Variants in PSMG2 observed in about 807,000 individuals in gnomAD.
PSMG2 encodes the protein CD40 ligand-activated specific transcript 3.
A neutral mutation model predicts 31.5 loss-of-function variants in PSMG2; 21 were observed. The ratio of observed to expected loss-of-function variants is 0.67; its 90% confidence interval spans 0.47 to 0.96. PSMG2 has a LOEUF of 0.96. Ranked by LOEUF, PSMG2 falls within the 40% of genes least tolerant of loss-of-function variation. PSMG2 has a pLI of 0.00. For missense variants in PSMG2, 318 were observed against 321.2 expected (o/e 0.99, Z 0.08); for synonymous variants, 120 against 110.4 (o/e 1.09, Z -0.54).
chr18:12,715,928 A>G (rs925086895), intron 3 of PSMG2, among the ~76,000 whole-genome samples: 8 of 152,058 alleles, frequency 5.3e-5, no homozygotes, highest in Non-Finnish European at 7.4e-5. Flanking sequence ...ATCAAGACAT[A>G]GAGCATTGTC....
chr18:12,701,762 ATG>A (rs2040160258), upstream of PSMG2, among the ~76,000 whole-genome samples: 6 of 152,288 alleles, frequency 3.9e-5, no homozygotes, highest in South Asian at 1.2e-3. Flanking sequence ...CTTCTCTTCC[ATG>A]ACTTATTTGA....
At chr18:12,670,930 TGAAC>T (rs2144966190) in intron 1 of PSMG2, 1 of 152,220 alleles carries the variant, frequency 6.6e-6, no homozygotes, top group East Asian at 1.9e-4. Context: ...ATTATAGGTG[TGAAC>T]CACTATGCTT....
At chr18:12,721,017 A>G (rs1462415614) in intron 5 of PSMG2, among the ~76,000 whole-genome samples, 1 of 152,066 alleles carries the variant, frequency 6.6e-6, no homozygotes, top group Non-Finnish European at 1.5e-5. Flanking sequence ...TGTATCTACT[A>G]AAAATACAAA....
intron 5 of PSMG2, among the ~76,000 whole-genome samples, chr18:12,723,681 C>T (rs373871607): frequency 4.6e-5 from 7 of 152,128 alleles, no homozygotes; most frequent in African/African-American, 1.4e-4. Flanking sequence ...CTTGAGCCAG[C>T]GCGCCCAGCC....
At chr18:12,681,099 G>A (rs567164075) in intron 1 of PSMG2, among the ~76,000 whole-genome samples, 3 of 151,030 alleles carry the variant, frequency 2.0e-5, no homozygotes, top group South Asian at 2.1e-4. Context: ...CTCAGGAGGC[G>A]AGGCAAGAGA....
chr18:12,716,469 C>T (rs1200824337), intron 3 of PSMG2, among the ~76,000 whole-genome samples: 1 of 150,538 alleles, frequency 6.6e-6, no homozygotes, highest in African/African-American at 2.4e-5. Flanking sequence ...TCTCGGCTCA[C>T]TGCAAGCTCC....
chr18:12,669,137 CAG>C (rs1199143111), intron 1 of PSMG2, among the ~76,000 whole-genome samples: 2 of 129,222 alleles, frequency 1.5e-5, no homozygotes, highest in Admixed American at 8.8e-5. Context: ...TTTTTTGAGA[CAG>C]AGTTTCACTG....
chr18:12,719,292 A>G (rs1357135442), intron 4 of PSMG2, among the ~76,000 whole-genome samples: 2 of 152,228 alleles, frequency 1.3e-5, no homozygotes, highest in Non-Finnish European at 2.9e-5. Context: ...TCTTAAATGT[A>G]AGACAGAGTA....
At chr18:12,666,154 A>C (rs1216706232) in intron 1 of PSMG2, among the ~76,000 whole-genome samples, 27 of 32,840 alleles carry the variant, frequency 8.2e-4, no homozygotes, top group Admixed American at 8.0e-3. Flanking sequence ...TCATCTCTAC[A>C]AAAAAAAAAA....
At chr18:12,674,408 C>T (rs2039046350) in intron 1 of PSMG2, 5 of 669,384 alleles carry the variant, frequency 7.5e-6, no homozygotes, top group Non-Finnish European at 1.2e-5. Flanking sequence ...TGCCACTGTA[C>T]TCCAGCATGG....
intron 1 of PSMG2, chr18:12,680,831 G>A: frequency 6.3e-7 from 1 of 1,599,584 alleles, no homozygotes; most frequent in Non-Finnish European, 8.5e-7. Context: ...CAGTCACCCT[G>A]GAAGATAAAT....
chr18:12,701,572 A>G (rs1476170992), upstream of PSMG2, among the ~76,000 whole-genome samples: 1 of 152,164 alleles, frequency 6.6e-6, no homozygotes, highest in Non-Finnish European at 1.5e-5. Flanking sequence ...CCCTCTCACG[A>G]TAGTGTTGTG....
chr18:12,708,062 G>A (rs1203555745), intron 2 of PSMG2, among the ~76,000 whole-genome samples: 3 of 152,070 alleles, frequency 2.0e-5, no homozygotes, highest in Non-Finnish European at 4.4e-5. Flanking sequence ...TAGGAGGAAC[G>A]CTTGAGCTCA....
intron 3 of PSMG2, among the ~76,000 whole-genome samples, chr18:12,713,484 G>C (rs2040349619): frequency 6.6e-6 from 1 of 152,190 alleles, no homozygotes; most frequent in Non-Finnish European, 1.5e-5. Flanking sequence ...GAGATCAGTA[G>C]GTGAGCGATG....
chr18:12,675,664 T>G (rs1430857490), intron 1 of PSMG2, among the ~76,000 whole-genome samples: 1 of 151,692 alleles, frequency 6.6e-6, no homozygotes, highest in Non-Finnish European at 1.5e-5. Flanking sequence ...ATTCCATTTA[T>G]TTTTTATTTT....
chr18:12,699,748 T>C (rs2040086708), upstream of PSMG2: 32 of 756,674 alleles, frequency 4.2e-5, no homozygotes, highest in South Asian at 8.0e-4. Context: ...AAAATGGAAA[T>C]GTCTTCTATC....
At chr18:12,695,122 G>T in intron 1 of PSMG2, 1 of 448,290 alleles carries the variant, frequency 2.2e-6, no homozygotes, top group Non-Finnish European at 4.0e-6. Flanking sequence ...TCCTTTTTGT[G>T]AACCTTTGAG....
At chr18:12,689,698 T>C (rs2039676810) in intron 1 of PSMG2, among the ~76,000 whole-genome samples, 1 of 152,154 alleles carries the variant, frequency 6.6e-6, no homozygotes, top group African/African-American at 2.4e-5. Context: ...CTGAGTCCTC[T>C]CTAGTTCCTA....
At chr18:12,686,558 A>G in intron 1 of PSMG2, 1 of 797,956 alleles carries the variant, frequency 1.3e-6, no homozygotes. Context: ...CCATTGATCG[A>G]GTGCTTACCT....
Sources: gnomAD v4.1 joint callset for allele counts (sites outside exome capture counted in the v4.1 genomes callset) on GRCh38, gnomAD v4.1.1 for gene constraint, MANE v1.5 for transcripts, NCBI Gene and HGNC (gene_info 2026-07-23, HGNC 2026-07-21) for gene names.